The following UBASH3B variants were observed in gnomAD, a reference collection of about 807,000 sequenced individuals.
The protein encoded by UBASH3B is ubiquitin-associated and SH3 domain-containing protein B.
In UBASH3B, 37 loss-of-function variants were observed where a neutral mutation model predicts 83.4. That is an observed-to-expected ratio of 0.44 (90% confidence interval 0.34 to 0.58). UBASH3B has a LOEUF of 0.58. Ranked by LOEUF, UBASH3B falls within the 20% of genes least tolerant of loss-of-function variation. UBASH3B has a pLI of 0.01. For synonymous variants in UBASH3B, 304 were observed against 318.3 expected (o/e 0.96, Z 0.48); for missense variants, 657 against 827.2 (o/e 0.79, Z 2.52).
intron 1 of UBASH3B, among the ~76,000 whole-genome samples, chr11:122,769,323 A>G (rs568707746): frequency 3.5e-4 from 53 of 152,308 alleles, no homozygotes; most frequent in African/African-American, 1.3e-3. Context: ...ATTCATGAGC[A>G]ATCCACTTCC....
intron 1 of UBASH3B, among the ~76,000 whole-genome samples, chr11:122,736,526 A>C (rs199704297): frequency 6.6e-6 from 1 of 150,542 alleles, no homozygotes; most frequent in Non-Finnish European, 1.5e-5. Context: ...ACACAGAGAG[A>C]ATGCTGGGAG....
Position 122,783,104 on chromosome 11 carries a change from A to T in UBASH3B, c.653A>T (p.His218Leu). ...CAGCTACATGTGACCCTGGCTTACCACTTCCAAGCCAGCCACCTACCCACC... is the reference window on the plus strand; with the variant it reads ...CAGCTACATGTGACCCTGGCTTACCTCTTCCAAGCCAGCCACCTACCCACC... ...KKQLHVTLAY[H>L]FQASHLPTLE... Residue 218 changes from histidine (H) to leucine (L), a missense_variant, in exon 5 of 14, where the codon CAC becomes CTC. His to Leu is a moderately conservative substitution (Grantham distance 99, BLOSUM62 -3). Transcript: ENST00000284273. The T allele has an allele frequency of 6.2e-7, 1 of 1,614,010 alleles. No homozygotes were observed. Among genetic ancestry groups the T allele is most frequent in the Non-Finnish European group, 8.5e-7 (1 of 1,179,994 alleles).
chr11:122,670,602 G>C (rs939568957), intron 1 of UBASH3B, among the ~76,000 whole-genome samples: 7 of 152,124 alleles, frequency 4.6e-5, no homozygotes, highest in Admixed American at 2.6e-4. Flanking sequence ...TTAAGTGCAC[G>C]ATAAATGGTA....
In UBASH3B at chr11:122,655,959, G is replaced by A. The variant is rs1863352583; in HGVS notation, c.-91G>A. Reference sequence around the variant, plus strand: ...GCCTCCTGCCTGGCTCTGGGTCCCCGAGCCCCCTCCCCTGGCCCAGCCCGA... The same window carrying A: ...GCCTCCTGCCTGGCTCTGGGTCCCCAAGCCCCCTCCCCTGGCCCAGCCCGA... On this transcript the variant is annotated 5_prime_UTR_variant, in exon 1 of 14. Coordinates refer to ENST00000284273, the MANE Select transcript of UBASH3B (RefSeq NM_032873.5). The A allele has an allele frequency of 1.1e-5, 9 of 831,928 alleles. 1 individual carries two copies. Among genetic ancestry groups the A allele is most frequent in the South Asian group, 2.7e-5 (1 of 37,730 alleles). 51.5% of individuals were successfully genotyped at this position (831,928 alleles called of 1,614,324 possible).
intron 1 of UBASH3B, among the ~76,000 whole-genome samples, chr11:122,678,660 G>A (rs1591765041): frequency 6.6e-6 from 1 of 151,576 alleles, no homozygotes; most frequent in East Asian, 1.9e-4. Flanking sequence ...TGACCCTTGT[G>A]CTCCACAAAA....
At chr11:122,736,314 C>T (rs902592452) in intron 1 of UBASH3B, among the ~76,000 whole-genome samples, 14 of 151,864 alleles carry the variant, frequency 9.2e-5, no homozygotes, top group Non-Finnish European at 1.8e-4. Flanking sequence ...AGAGTTTTTT[C>T]GGACACAACC....
At chr11:122,674,838 C>T (rs973364539) in intron 1 of UBASH3B, among the ~76,000 whole-genome samples, 2 of 150,574 alleles carry the variant, frequency 1.3e-5, no homozygotes, top group Non-Finnish European at 2.9e-5. Flanking sequence ...AAGCGATTCT[C>T]CTGTCTCAGC....
intron 1 of UBASH3B, among the ~76,000 whole-genome samples, chr11:122,761,916 C>T (rs370063730): frequency 2.0e-5 from 3 of 150,736 alleles, no homozygotes; most frequent in African/African-American, 4.9e-5. Flanking sequence ...CTCAGCCTCC[C>T]GAGTAGCTGG....
At chr11:122,766,418 G>C (rs907823963) in intron 1 of UBASH3B, among the ~76,000 whole-genome samples, 4 of 152,162 alleles carry the variant, frequency 2.6e-5, no homozygotes, top group African/African-American at 9.7e-5. Context: ...GGTAGCGGGC[G>C]CCTGTAGTCC....
intron 1 of UBASH3B, among the ~76,000 whole-genome samples, chr11:122,669,817 T>C (rs890907126): frequency 6.6e-6 from 1 of 152,204 alleles, no homozygotes; most frequent in Non-Finnish European, 1.5e-5. Flanking sequence ...AGCACAGAGA[T>C]TTGAACTTGC....
chr11:122,788,464 G>T (rs537816373), intron 5 of UBASH3B, among the ~76,000 whole-genome samples: 1 of 152,286 alleles, frequency 6.6e-6, no homozygotes, highest in East Asian at 1.9e-4. Context: ...AGCTACCAGG[G>T]AGGCTGAGGC....
At chr11:122,676,814 A>G (rs896997281) in intron 1 of UBASH3B, among the ~76,000 whole-genome samples, 1 of 151,940 alleles carries the variant, frequency 6.6e-6, no homozygotes, top group Non-Finnish European at 1.5e-5. Context: ...CATCACTGTC[A>G]CCTTCTGGCC....
chr11:122,727,056 T>G (rs991905059), intron 1 of UBASH3B, among the ~76,000 whole-genome samples: 12 of 152,158 alleles, frequency 7.9e-5, no homozygotes, highest in African/African-American at 2.9e-4. Context: ...AGTTGCTGGG[T>G]TTTTTTCCTC....
In UBASH3B at chr11:122,801,169, A is replaced by G. The variant is rs373739666; in HGVS notation, c.1451-19A>G. 7 of 1,611,714 alleles carry G rather than the reference A, an allele frequency of 4.3e-6. No individual in the cohort carries two copies. The African/African-American group carries it at 6.7e-5, about 15-fold the overall frequency. On this transcript the variant is annotated intron_variant, in intron 10 of 13. Transcript: ENST00000284273. ...ATCCACAGGCACTTTCTTCATCTTC[A>G]CTGTATTTTACCCCTAAGGTTTACA...
intron 3 of UBASH3B, among the ~76,000 whole-genome samples, 179 bp downstream of exon 3, chr11:122,777,389 T>C (rs999743257): frequency 6.6e-6 from 1 of 152,098 alleles, no homozygotes; most frequent in East Asian, 1.9e-4. Context: ...ACCCCAACGC[T>C]TCCTAGTTTT....
intron 1 of UBASH3B, among the ~76,000 whole-genome samples, chr11:122,667,235 C>T (rs1863531983): frequency 1.3e-5 from 2 of 151,696 alleles, no homozygotes; most frequent in African/African-American, 4.8e-5. Context: ...GTAGTAGAGA[C>T]GGGGTTTTGC....
In UBASH3B at chr11:122,783,671, T is replaced by G. The variant is rs1860896915; in HGVS notation, c.771+449T>G. ...AAAGACATAATCAACAGATATTTGC[T>G]GTGTATCTGTATCATGCAAAGTACC... On this transcript the variant is annotated intron_variant, in intron 5 of 13. Coordinates refer to ENST00000284273, the MANE Select transcript of UBASH3B (RefSeq NM_032873.5). Among the ~76,000 whole-genome samples, 4 of 127,100 alleles carry G rather than the reference T, an allele frequency of 3.1e-5. No homozygotes were observed. The South Asian group carries it at 9.2e-4, about 29-fold the overall frequency. The allele number at this position is 127,100 out of a possible 152,430, so 83.4% of individuals were successfully genotyped here. A position where few individuals can be genotyped will look rare whatever the true frequency, so the allele number is the denominator to read the frequency against.
chr11:122,811,797 C>T lies in UBASH3B; in HGVS notation c.*1911C>T, dbSNP rs1441042581. On this transcript the variant is annotated 3_prime_UTR_variant, in exon 14 of 14. Coordinates refer to ENST00000284273, the MANE Select transcript of UBASH3B (RefSeq NM_032873.5). ...ATAAAATGTTGGGAGGGAATATTCCCAATAAAGGTCTTAAGAGAAAAGTCA... is the reference window on the plus strand; with the variant it reads ...ATAAAATGTTGGGAGGGAATATTCCTAATAAAGGTCTTAAGAGAAAAGTCA... 1 of 152,048 alleles carries T rather than the reference C, an allele frequency of 6.6e-6. No homozygotes were observed. Among genetic ancestry groups the T allele is most frequent in the Non-Finnish European group, 1.5e-5 (1 of 68,020 alleles). The allele number at this position is 152,048 out of a possible 1,614,324, so 9.4% of individuals were successfully genotyped here.
At chr11:122,780,625 T>C (rs930495308) in intron 4 of UBASH3B, among the ~76,000 whole-genome samples, 1 of 152,166 alleles carries the variant, frequency 6.6e-6, no homozygotes. Context: ...ACATCAGCTC[T>C]GAAAAGAGAA....
Sources: gnomAD v4.1 joint callset for allele counts (sites outside exome capture counted in the v4.1 genomes callset) on GRCh38, gnomAD v4.1.1 for gene constraint, MANE v1.5 for transcripts, NCBI Gene and HGNC (gene_info 2026-07-23, HGNC 2026-07-21) for gene names.